The following NSD2 variants were observed in gnomAD, a reference collection of about 807,000 sequenced individuals.
NSD2 encodes the protein histone-lysine N-methyltransferase NSD2.
In NSD2, 12 loss-of-function variants were observed where a neutral mutation model predicts 139.0. That is an observed-to-expected ratio of 0.09 (90% CI 0.06 to 0.14). The LOEUF (loss-of-function observed/expected upper bound fraction) is 0.14. Among genes scored for constraint, NSD2 ranks in the 10% least tolerant of loss-of-function variants. The pLI, the probability that NSD2 is intolerant of heterozygous loss-of-function variation, is 1.00. For missense variants in NSD2, 1,155 were observed against 1,745.0 expected, an observed-to-expected ratio of 0.66 and a Z score of 6.02; for synonymous variants, 669 against 648.7, an observed-to-expected ratio of 1.03 and a Z score of -0.48.
chr4:1,872,564 TTG>T (rs752377919), intron 1 of NSD2, among the ~76,000 whole-genome samples: 2,145 of 101,100 alleles, frequency 0.021, 98 homozygotes, highest in Middle Eastern at 0.061. Context: ...AACGTGTATT[TTG>T]TGTGTGTGTG....
rs1413262589 is a variant in NSD2 at position 1,929,430 on chromosome 4, G to T, written c.1411-1196G>T. ...GTTTCACAGAGTGGAGGCAGAGACA[G>T]TGCCTTCACTTGCCGAAGTCCACAG... On this transcript the variant is annotated intron_variant, in intron 5 of 21. Coordinates refer to ENST00000508803, the MANE Select transcript of NSD2 (RefSeq NM_001042424.3). Among the ~76,000 whole-genome samples the T allele has an allele frequency of 2.0e-5, 3 of 152,286 alleles. No homozygotes were observed. The South Asian group carries it at 6.2e-4, about 32-fold the overall frequency.
intron 2 of NSD2, 118 bp from the exon 3 acceptor site, chr4:1,904,098 C>G: frequency 1.7e-6 from 2 of 1,162,552 alleles, no homozygotes; most frequent in Non-Finnish European, 2.4e-6. Context: ...AGGGAGCACA[C>G]TCCATTTTTG....
rs956817047 is a variant in NSD2 at position 1,980,163 on chromosome 4, A to G, written c.*1254A>G. ...TGTGTTATGGGCACTGGTCTAGGCC[A>G]GGTATGACACCCACTCTCCTGTGAG... is the stretch of plus-strand genomic sequence containing the variant. On this transcript the variant is annotated 3_prime_UTR_variant, in exon 22 of 22. Transcript: ENST00000508803. The G allele has an allele frequency of 8.6e-6, 2 of 233,248 alleles. No homozygotes were observed. The highest frequency in any genetic ancestry group is 1.7e-5 in the Non-Finnish European group (2 of 118,078). 14.4% of individuals were successfully genotyped at this position (233,248 alleles called of 1,614,324 possible).
At chr4:1,879,375 T>C (rs4318713) in intron 1 of NSD2, among the ~76,000 whole-genome samples, 129,758 of 151,778 alleles carry the variant, frequency 0.85, 55,665 homozygotes, top group East Asian at 1. Flanking sequence ...CCCGCCACCA[T>C]GCCCGGCTAA....
chr4:1,918,293 C>T lies in NSD2; in HGVS notation c.1080C>T (p.Ala360=). 2 of 1,613,974 alleles carry T rather than the reference C, an allele frequency of 1.2e-6. No individual in the cohort carries two copies. The highest frequency in any genetic ancestry group is 1.7e-6 in the Non-Finnish European group (2 of 1,180,014). The change falls in exon 5 of 22, where the codon GCC becomes GCT. Residue 360 remains alanine (A), a synonymous_variant. Transcript: ENST00000508803. The part of the protein sequence containing the change: ...GDQLHLNPQV[A]KEAGIAAESL... ...AGCTTCATCTCAACCCTCAAGTAGC[C>T]AAGGAGGCTGGCATTGCTGCAGAGT... is the stretch of plus-strand genomic sequence containing the variant.
chr4:1,931,399 A>G (rs1365020474), intron 6 of NSD2, among the ~76,000 whole-genome samples: 1 of 152,220 alleles, frequency 6.6e-6, no homozygotes, highest in Non-Finnish European at 1.5e-5. Context: ...GAGAGCTGAC[A>G]TTGTAAGATT....
intron 1 of NSD2, chr4:1,899,456 C>G (rs1453426803): frequency 3.9e-5 from 6 of 152,218 alleles, no homozygotes; most frequent in African/African-American, 1.4e-4. Flanking sequence ...TTAAGTGTCC[C>G]TGGGGAACAA....
rs1182531816 is a variant in NSD2, at chr4:1,952,364, G to A, written c.2137+133G>A. Reference sequence around the variant, plus strand: ...CCACCCCCACCGCCTGGCCCTCTCTGGAGCTTGTAGCCCACAGCTGGCAGG... The same window carrying A: ...CCACCCCCACCGCCTGGCCCTCTCTAGAGCTTGTAGCCCACAGCTGGCAGG... On this transcript the variant is annotated intron_variant, in intron 11 of 21. Transcript: ENST00000508803. 1.0e-5 allele frequency: 14 copies of A among 1,361,518 alleles called. No homozygotes were observed. The East Asian group carries it at 2.6e-4, about 26-fold the overall frequency. The allele number at this position is 1,361,518 out of a possible 1,614,324, so 84.3% of individuals were successfully genotyped here.
chr4:1,898,508 C>CA (rs1352830222), intron 1 of NSD2, among the ~76,000 whole-genome samples: 2 of 151,476 alleles, frequency 1.3e-5, no homozygotes, highest in Non-Finnish European at 2.9e-5. Context: ...ACTAAAAATA[C>CA]AAAAAATTAG....
rs1421117690 is a variant in NSD2, at chr4:1,917,055, A to G, written c.927+18A>G. The G allele has an allele frequency of 6.3e-7, 1 of 1,578,262 alleles. No homozygotes were observed. Among genetic ancestry groups the G allele is most frequent in the East Asian group, 2.3e-5 (1 of 44,188 alleles). Reference sequence around the variant, plus strand: ...AAATTAAGGTGATAGATGACCCTTCAGTCTACTTTTAGACCAGAAATTTAA... The same window carrying G: ...AAATTAAGGTGATAGATGACCCTTCGGTCTACTTTTAGACCAGAAATTTAA... On this transcript the variant is annotated intron_variant, in intron 4 of 21. Coordinates refer to ENST00000508803, the MANE Select transcript of NSD2 (RefSeq NM_001042424.3).
chr4:1,971,954 A>G (rs1726528312), intron 18 of NSD2, among the ~76,000 whole-genome samples: 1 of 152,246 alleles, frequency 6.6e-6, no homozygotes, highest in South Asian at 2.1e-4. Context: ...TCAGTGAGCC[A>G]GACACTTGTG....
At chr4:1,936,689 A>G (rs1331758952) in intron 7 of NSD2, among the ~76,000 whole-genome samples, 1 of 150,592 alleles carries the variant, frequency 6.6e-6, no homozygotes, top group African/African-American at 2.5e-5. Flanking sequence ...AAAAAAAAAA[A>G]GTTCTGACAG....
At chr4:1,884,445 G>C (rs1577357982) in intron 1 of NSD2, among the ~76,000 whole-genome samples, 1 of 152,140 alleles carries the variant, frequency 6.6e-6, no homozygotes, top group African/African-American at 2.4e-5. Flanking sequence ...CCAGGCTGGA[G>C]TGCAGTGGCC....
rs1017573853 is a variant in NSD2, at chr4:1,976,738, C to A, written c.3826+59C>A. On this transcript the variant is annotated intron_variant, in intron 21 of 21. Transcript: ENST00000508803. This position sits in a 1 kb window ranked among gnomAD's most constrained non-coding sequence, Gnocchi z 5.3. ...TGTCTGTGTGGCAGGCTCCTGATGGCGGCTGCTGCCGCTCTTCCTGCTGAC... is the reference window on the plus strand; with the variant it reads ...TGTCTGTGTGGCAGGCTCCTGATGGAGGCTGCTGCCGCTCTTCCTGCTGAC... 6.7e-7 allele frequency: 1 copy of A among 1,495,546 alleles called. No individual in the cohort carries two copies. Among genetic ancestry groups the A allele is most frequent in the Non-Finnish European group, 9.0e-7 (1 of 1,113,500 alleles). The allele number at this position is 1,495,546 out of a possible 1,614,324, so 92.6% of individuals were successfully genotyped here.
At chr4:1,899,212 C>A (rs935273591) in intron 1 of NSD2, 2 of 152,212 alleles carry the variant, frequency 1.3e-5, no homozygotes, top group Non-Finnish European at 2.9e-5. Flanking sequence ...TTCCTGTCTC[C>A]TTCCTCAGCT....
At chr4:1,938,388 C>G in intron 7 of NSD2, 63 bp from the exon 8 acceptor site, 7 of 1,129,850 alleles carry the variant, frequency 6.2e-6, no homozygotes, top group Non-Finnish European at 5.6e-6. Flanking sequence ...TTTTTTTTTC[C>G]TTTTTTTCTT....
intron 3 of NSD2, among the ~76,000 whole-genome samples, chr4:1,910,211 A>ACTAG (rs1179027246): frequency 6.6e-6 from 1 of 151,936 alleles, no homozygotes; most frequent in Non-Finnish European, 1.5e-5. Flanking sequence ...ACCTAGGTGG[A>ACTAG]CTAGCAGCTT....
chr4:1,974,723 C>G lies in NSD2; in HGVS notation c.3373-140C>G. 3.4e-6 allele frequency: 4 copies of G among 1,186,968 alleles called. No homozygotes were observed. The highest frequency in any genetic ancestry group is 5.0e-6 in the Non-Finnish European group (4 of 802,098). 73.5% of individuals were successfully genotyped at this position (1,186,968 alleles called of 1,614,324 possible). A position where few individuals can be genotyped will look rare whatever the true frequency, so the allele number is the denominator to read the frequency against. ...CAGGACTGGTTTGGGGGTGTCCTGT[C>G]TCAGTGGACACAGGACACCACGGTT... is the stretch of plus-strand genomic sequence containing the variant. On this transcript the variant is annotated intron_variant, in intron 18 of 21. Coordinates refer to ENST00000508803, the MANE Select transcript of NSD2 (RefSeq NM_001042424.3). This position sits in a 1 kb window ranked among gnomAD's most constrained non-coding sequence, Gnocchi z 4.0.
intron 5 of NSD2, among the ~76,000 whole-genome samples, chr4:1,929,423 A>G (rs1477924196): frequency 1.3e-5 from 2 of 152,154 alleles, no homozygotes; most frequent in Non-Finnish European, 2.9e-5. Context: ...GAGTGGAGGC[A>G]GAGACAGTGC....
Sources: gnomAD v4.1 joint callset for allele counts (sites outside exome capture counted in the v4.1 genomes callset) on GRCh38, gnomAD v4.1.1 for gene constraint, Gnocchi (gnomAD v3.1) non-coding constraint, MANE v1.5 for transcripts, NCBI Gene and HGNC (gene_info 2026-07-23, HGNC 2026-07-21) for gene names.